POTEJ: variants seen among roughly 807,000 people sequenced by gnomAD.
POTEJ encodes the protein POTE ankyrin domain family member J, also known as POTE ankyrin domain family, member J.
A neutral mutation model predicts 69.0 loss-of-function variants in POTEJ; 11 were observed. The observed-to-expected ratio is 0.16, with a 90% confidence interval of 0.10 to 0.26. The LOEUF is 0.26. Ranked by LOEUF, POTEJ falls within the 10% of genes least tolerant of loss-of-function variation. The pLI is 1.00. For missense variants in POTEJ, 327 were observed against 1,045.5 expected (o/e 0.31, Z 9.48); for synonymous variants, 117 against 381.1 (o/e 0.31, Z 8.07).
rs1400824539 is a variant in POTEJ, at chr2:130,639,161, C to T, written c.1369+472C>T. Among the ~76,000 whole-genome samples the T allele has an allele frequency of 9.2e-5, 14 of 152,418 alleles. No individual in the cohort carries two copies. The East Asian group carries it at 2.7e-3, about 29-fold the overall frequency. On this transcript the variant is annotated intron_variant, in intron 10 of 14. Transcript: ENST00000409602. ...ATACAGATGAAGCTTCCCTGGCTTG[C>T]CTGCTGCGCACCTCCTCCTGTGTGG... is the stretch of plus-strand genomic sequence containing the variant.
intron 10 of POTEJ, among the ~76,000 whole-genome samples, chr2:130,642,775 C>T (rs1686438044): frequency 1.3e-5 from 2 of 152,266 alleles, no homozygotes; most frequent in Admixed American, 1.3e-4. Context: ...ATGCCCTACT[C>T]ACTCATCCTT....
At chr2:130,624,209 A>C in intron 6 of POTEJ, 75 bp downstream of exon 6, 1 of 976,408 alleles carries the variant, frequency 1.0e-6, no homozygotes, top group East Asian at 2.7e-5. Flanking sequence ...GTTTTGTGGA[A>C]GACAATTTTT....
chr2:130,631,882 A>T (rs1271377759), intron 8 of POTEJ, among the ~76,000 whole-genome samples: 3 of 143,454 alleles, frequency 2.1e-5, no homozygotes, highest in Non-Finnish European at 4.6e-5. Context: ...GCACGTCAGC[A>T]GTTTCACTCT....
intron 10 of POTEJ, among the ~76,000 whole-genome samples, chr2:130,643,533 A>G (rs1573991818): frequency 1.4e-5 from 2 of 144,160 alleles, no homozygotes; most frequent in South Asian, 2.2e-4. Context: ...AAAAAAAAAG[A>G]AAAAAAGAAA....
intron 10 of POTEJ, among the ~76,000 whole-genome samples, chr2:130,640,020 T>C (rs1686286243): frequency 6.6e-6 from 1 of 151,594 alleles, no homozygotes; most frequent in Admixed American, 6.6e-5. Context: ...TGATTTATTA[T>C]ATGTGATATT....
At chr2:130,639,026 G>T (rs1301148929) in intron 10 of POTEJ, among the ~76,000 whole-genome samples, 1 of 152,282 alleles carries the variant, frequency 6.6e-6, no homozygotes, top group Non-Finnish European at 1.5e-5. Context: ...AGATCCCTCA[G>T]ATGGGCAGTT....
At chr2:130,651,880 T>C (rs80296241) in intron 13 of POTEJ, among the ~76,000 whole-genome samples, 23 of 144,640 alleles carry the variant, frequency 1.6e-4, no homozygotes, top group South Asian at 4.3e-4. Context: ...AGAAAATTTA[T>C]GAGATCATTT....
chr2:130,649,312 G>A (rs1686713506), intron 13 of POTEJ, among the ~76,000 whole-genome samples: 1 of 152,192 alleles, frequency 6.6e-6, no homozygotes, highest in Non-Finnish European at 1.5e-5. Context: ...TTGGTTAACA[G>A]CAACTCTTCC....
At chr2:130,637,754 G>A (rs1355262367) in intron 9 of POTEJ, among the ~76,000 whole-genome samples, 1 of 152,264 alleles carries the variant, frequency 6.6e-6, no homozygotes, top group Non-Finnish European at 1.5e-5. Flanking sequence ...AATAAAAGTA[G>A]GGTTTTCATC....
At chr2:130,627,153 G>A (rs1396945848) in intron 6 of POTEJ, among the ~76,000 whole-genome samples, 1 of 151,902 alleles carries the variant, frequency 6.6e-6, no homozygotes, top group Non-Finnish European at 1.5e-5. Flanking sequence ...AGAGCAGCAG[G>A]TCAGCAGGAA....
Position 130,644,497 on chromosome 2 carries a change from A to T in POTEJ, c.1440+444A>T, listed in dbSNP as rs548563161. Among the ~76,000 whole-genome samples the T allele has an allele frequency of 2.6e-5, 4 of 152,284 alleles. No homozygotes were observed. In the South Asian group the frequency reaches 6.2e-4, roughly 24 times the overall value. ...AAAATATATATATATATTTTAATAG[A>T]TTCTTAAAATTTATTGTAATAAAAT... On this transcript the variant is annotated intron_variant, in intron 11 of 14. Coordinates refer to ENST00000409602, the MANE Select transcript of POTEJ (RefSeq NM_001277083.2).
intron 6 of POTEJ, among the ~76,000 whole-genome samples, chr2:130,627,258 C>G (rs1685744986): frequency 6.6e-6 from 1 of 151,308 alleles, no homozygotes; most frequent in South Asian, 2.1e-4. Flanking sequence ...TCGCATCCTA[C>G]TAGTTTGACT....
intron 9 of POTEJ, among the ~76,000 whole-genome samples, chr2:130,636,969 C>T (rs2105232253): frequency 6.8e-6 from 1 of 146,096 alleles, no homozygotes; most frequent in African/African-American, 2.5e-5. Context: ...GTCCCAGCTG[C>T]TATGGAGGCT....
At chr2:130,636,864 A>G (rs866526635) in intron 9 of POTEJ, among the ~76,000 whole-genome samples, 2 of 147,538 alleles carry the variant, frequency 1.4e-5, no homozygotes, top group Non-Finnish European at 3.0e-5. Context: ...AGGCCAAGGC[A>G]GGCGGATCAC....
rs1195894264 is a variant in POTEJ at position 130,611,647 on chromosome 2, G to A, written c.115G>A (p.Gly39Ser). Residue 39 changes from glycine to serine, a missense_variant, in exon 1 of 15, where the codon GGC becomes AGC. By Grantham distance (56) the Gly-to-Ser change is moderately conservative. Coordinates refer to ENST00000409602, the MANE Select transcript of POTEJ (RefSeq NM_001277083.2). ...RHCFPCCRGS[G>S]KSNVGTSGDQ... ...CTGCTTCCCCTGCTGCAGGGGGAGC[G>A]GCAAGAGCAACGTGGGCACTTCTGG... The A allele has an allele frequency of 9.0e-6, 11 of 1,222,068 alleles. No homozygotes were observed. The highest frequency in any genetic ancestry group is 2.4e-5 in the African/African-American group (1 of 41,208). 75.7% of individuals were successfully genotyped at this position (1,222,068 alleles called of 1,614,324 possible).
At chr2:130,623,942 A>G (rs1685612980) in intron 5 of POTEJ, 122 bp from the exon 6 acceptor site, 4 of 717,244 alleles carry the variant, frequency 5.6e-6, no homozygotes, top group African/African-American at 2.4e-5. Flanking sequence ...AGTGGATGGG[A>G]TAATACTATT....
At chr2:130,641,198 G>A (rs1573989586) in intron 10 of POTEJ, among the ~76,000 whole-genome samples, 1 of 152,112 alleles carries the variant, frequency 6.6e-6, no homozygotes, top group Non-Finnish European at 1.5e-5. Context: ...TAGTTTCCTG[G>A]GATTGATGGG....
At chr2:130,616,311 T>TA (rs1337268353) in intron 1 of POTEJ, among the ~76,000 whole-genome samples, 1 of 115,300 alleles carries the variant, frequency 8.7e-6, no homozygotes, top group East Asian at 2.1e-4. Context: ...GGTATAATTG[T>TA]ATCATCTCAA....
At chr2:130,649,514 C>T (rs2105257506) in intron 13 of POTEJ, among the ~76,000 whole-genome samples, 1 of 151,500 alleles carries the variant, frequency 6.6e-6, no homozygotes, top group South Asian at 2.1e-4. Context: ...AATTGATAGT[C>T]CTGGTTTTTA....
Sources: gnomAD v4.1 joint callset for allele counts (sites outside exome capture counted in the v4.1 genomes callset) on GRCh38, gnomAD v4.1.1 for gene constraint, MANE v1.5 for transcripts, NCBI Gene and HGNC (gene_info 2026-07-23, HGNC 2026-07-21) for gene names.